C12orf42: variants seen among roughly 807,000 people sequenced by gnomAD.
The protein encoded by C12orf42 is chromosome 12 open reading frame 42, also known as uncharacterized protein C12orf42.
In C12orf42, 25 loss-of-function variants were observed where a neutral mutation model predicts 21.6. The ratio of observed to expected loss-of-function variants is 1.16; its 90% CI spans 0.84 to 1.62. The LOEUF (loss-of-function observed/expected upper bound fraction) is 1.62, where lower values mean the gene tolerates loss of function less well. C12orf42 is among the 40% of genes most tolerant of loss of function. The probability of loss-of-function intolerance (pLI) is 0.00; values close to 1 mark genes in which losing one functional copy is unlikely to be tolerated. For synonymous variants in C12orf42, 174 were observed against 175.0 expected (o/e 0.99, Z 0.05); for missense variants, 483 against 459.3 (o/e 1.05, Z -0.47).
intron 2 of C12orf42, among the ~76,000 whole-genome samples, chr12:103,473,535 A>G (rs1953790291): frequency 6.6e-6 from 1 of 152,232 alleles, no homozygotes; most frequent in South Asian, 2.1e-4. Flanking sequence ...AGTGAATGTG[A>G]CAGGTGCAAT....
At chr12:103,497,979 G>A (rs2138270865), upstream of C12orf42, among the ~76,000 whole-genome samples, 1 of 151,880 alleles carries the variant, frequency 6.6e-6, no homozygotes, top group East Asian at 1.9e-4. Flanking sequence ...AGGTTGCAGT[G>A]AGCAGAGACA....
the C12orf42 span, among the ~76,000 whole-genome samples, chr12:103,202,209 G>T: frequency 6.6e-6 from 1 of 152,204 alleles, no homozygotes. Context: ...GAATCAGGAC[G>T]AGTAAAGGTG....
intron 2 of C12orf42, among the ~76,000 whole-genome samples, chr12:103,427,071 T>G (rs1949876600): frequency 6.6e-6 from 1 of 152,066 alleles, no homozygotes; most frequent in South Asian, 2.1e-4. Context: ...AATAACCAGC[T>G]AGCATCATAA....
At chr12:103,198,822 C>T in the C12orf42 span, among the ~76,000 whole-genome samples, 1 of 152,212 alleles carries the variant, frequency 6.6e-6, no homozygotes, top group African/African-American at 2.4e-5. Context: ...TCTGCATCTT[C>T]CCTCCATCCA....
At chr12:103,486,874 T>C (rs1364482325) in intron 1 of C12orf42, among the ~76,000 whole-genome samples, 1 of 152,226 alleles carries the variant, frequency 6.6e-6, no homozygotes, top group Non-Finnish European at 1.5e-5. Context: ...TTGCTAGCAG[T>C]CTATCAATTT....
At chr12:103,513,411 T>TCTAAAGC in the C12orf42 span, among the ~76,000 whole-genome samples, 1 of 152,212 alleles carries the variant, frequency 6.6e-6, no homozygotes, top group Non-Finnish European at 1.5e-5. Flanking sequence ...TCCAGCCATG[T>TCTAAAGC]CTAAAGCCAG....
the C12orf42 span, among the ~76,000 whole-genome samples, chr12:103,207,613 C>T: frequency 6.6e-5 from 10 of 152,240 alleles, no homozygotes; most frequent in Admixed American, 2.6e-4. Flanking sequence ...TGCTGGAAAA[C>T]GACTCTGCTT....
At chr12:103,472,137 C>T (rs1953671778) in intron 2 of C12orf42, 1 of 133,330 alleles carries the variant, frequency 7.5e-6, no homozygotes, top group African/African-American at 2.9e-5. Context: ...TCACTGCAAG[C>T]TCCGCCTCCC....
At chr12:103,458,419 G>A (rs1952458303) in intron 2 of C12orf42, among the ~76,000 whole-genome samples, 1 of 152,130 alleles carries the variant, frequency 6.6e-6, no homozygotes, top group Non-Finnish European at 1.5e-5. Flanking sequence ...ATGAGTTATA[G>A]GATAGGCGAA....
chr12:103,386,773 T>C (rs73185887), intron 3 of C12orf42, among the ~76,000 whole-genome samples: 766 of 152,326 alleles, frequency 5.0e-3, no homozygotes, highest in Middle Eastern at 0.014. Context: ...CTCATATGCA[T>C]GTCGGACTGT....
chr12:103,248,332 A>G (rs1445829210), intron 10 of C12orf42, among the ~76,000 whole-genome samples: 1 of 152,046 alleles, frequency 6.6e-6, no homozygotes, highest in Admixed American at 6.6e-5. Flanking sequence ...TAACACCCAC[A>G]ATGCAAACAT....
intron 4 of C12orf42, among the ~76,000 whole-genome samples, chr12:103,319,444 A>G (rs896963756): frequency 6.6e-6 from 1 of 152,222 alleles, no homozygotes; most frequent in Admixed American, 6.5e-5. Context: ...AGATCTACAT[A>G]GATATTATTT....
chr12:103,380,457 A>G (rs2046067282), intron 3 of C12orf42, among the ~76,000 whole-genome samples: 2 of 152,200 alleles, frequency 1.3e-5, no homozygotes, highest in South Asian at 2.1e-4. Flanking sequence ...CAGAGTGCTC[A>G]TTGCTGAATA....
At chr12:103,517,436 A>G in the C12orf42 span, among the ~76,000 whole-genome samples, 1 of 152,260 alleles carries the variant, frequency 6.6e-6, no homozygotes, top group Non-Finnish European at 1.5e-5. Flanking sequence ...TAGAATAAAT[A>G]GTAAAGGCCT....
the C12orf42 span, among the ~76,000 whole-genome samples, chr12:103,168,806 T>TA: frequency 1.3e-5 from 2 of 152,112 alleles, no homozygotes; most frequent in Admixed American, 6.5e-5. Flanking sequence ...GTGGCACATA[T>TA]ATACCATGGA....
At chr12:103,366,809 G>A (rs1044970213) in intron 4 of C12orf42, among the ~76,000 whole-genome samples, 9 of 151,804 alleles carry the variant, frequency 5.9e-5, no homozygotes, top group Non-Finnish European at 1.0e-4. Flanking sequence ...AATAGATGTT[G>A]GTATGGATGT....
At chr12:103,259,607 G>A (rs964151978) in intron 10 of C12orf42, among the ~76,000 whole-genome samples, 2 of 152,136 alleles carry the variant, frequency 1.3e-5, no homozygotes, top group Non-Finnish European at 2.9e-5. Context: ...ATCTCAGGAT[G>A]TTCAGTTTTT....
chr12:103,409,609 G>A (rs1478739822), intron 2 of C12orf42, among the ~76,000 whole-genome samples: 7 of 151,972 alleles, frequency 4.6e-5, no homozygotes, highest in African/African-American at 1.7e-4. Context: ...ATTCATTGTG[G>A]TCAAAAATGG....
intron 4 of C12orf42, among the ~76,000 whole-genome samples, chr12:103,321,285 C>T (rs377142003): frequency 0.017 from 2,532 of 151,352 alleles, 82 homozygotes; most frequent in African/African-American, 0.058. Context: ...CACTGGCCAT[C>T]AGAGAAATGC....
Sources: gnomAD v4.1 joint callset for allele counts (sites outside exome capture counted in the v4.1 genomes callset) on GRCh38, gnomAD v4.1.1 for gene constraint, MANE v1.5 for transcripts, NCBI Gene and HGNC (gene_info 2026-07-23, HGNC 2026-07-21) for gene names.